Variants in CDH18 observed in about 807,000 individuals in gnomAD.
The protein encoded by CDH18 is cadherin 18.
In CDH18, 31 loss-of-function variants were observed where a neutral mutation model predicts 67.9. That is an observed-to-expected ratio of 0.46 (90% CI 0.34 to 0.62). The LOEUF (loss-of-function observed/expected upper bound fraction) is 0.62, where lower values mean the gene tolerates loss of function less well. Among genes scored for constraint, CDH18 ranks in the 20% least tolerant of loss-of-function variants. The probability of loss-of-function intolerance (pLI) is 0.01; values close to 1 mark genes in which losing one functional copy is unlikely to be tolerated. For missense variants in CDH18, 890 were observed against 975.5 expected, an observed-to-expected ratio of 0.91 and a Z score of 1.17; for synonymous variants, 362 against 347.2, an observed-to-expected ratio of 1.04 and a Z score of -0.48.
At chr5:19,807,539 A>G (rs1778161722) in intron 3 of CDH18, among the ~76,000 whole-genome samples, 1 of 152,154 alleles carries the variant, frequency 6.6e-6, no homozygotes, top group African/African-American at 2.4e-5. Context: ...GGCTCTACTG[A>G]GAAGTGTAGT....
intron 2 of CDH18, among the ~76,000 whole-genome samples, chr5:19,882,124 CTGTGCAACTCATAATACA>C (rs1554056492): frequency 6.6e-6 from 1 of 152,104 alleles, no homozygotes; most frequent in Non-Finnish European, 1.5e-5. Context: ...CAAAAATCAT[CTGTGCAACTCATAATACA>C]TGTCTTACAA....
rs573855400 is a variant in CDH18, at chr5:20,324,071, T to C, written c.-579-68566A>G. ...GTTCAACGGTTTTAAGATTACAATT[T>C]TAAAATCAACTAGTTGTTTTCCAAA... On this transcript the variant is annotated intron_variant, in intron 1 of 14. Coordinates refer to the CDH18 transcript ENST00000507958. Among the ~76,000 whole-genome samples, 5 of 152,314 alleles carry C rather than the reference T, an allele frequency of 3.3e-5. No homozygotes were observed. The South Asian group carries it at 1.0e-3, about 32-fold the overall frequency.
chr5:20,132,294 A>G (rs1429991585), intron 2 of CDH18, among the ~76,000 whole-genome samples: 2 of 152,054 alleles, frequency 1.3e-5, no homozygotes, highest in Non-Finnish European at 2.9e-5. Context: ...TAATTTTTCC[A>G]CTTCTTAAAT....
At chr5:20,558,804 G>T (rs1758051401) in intron 1 of CDH18, among the ~76,000 whole-genome samples, 1 of 152,078 alleles carries the variant, frequency 6.6e-6, no homozygotes, top group Non-Finnish European at 1.5e-5. Flanking sequence ...TTGAGGGCCA[G>T]TAAGATTTTT....
chr5:19,987,560 A>T (rs959562074), intron 1 of CDH18, among the ~76,000 whole-genome samples: 10 of 152,234 alleles, frequency 6.6e-5, no homozygotes, highest in Admixed American at 5.2e-4. Flanking sequence ...ATGAAAGAAT[A>T]TAAATGAGGC....
chr5:19,766,225 G>C, intron 3 of CDH18, among the ~76,000 whole-genome samples: 1 of 152,160 alleles, frequency 6.6e-6, no homozygotes, highest in East Asian at 1.9e-4. Context: ...TTACGAGTCT[G>C]AACTCATTCT....
intron 2 of CDH18, among the ~76,000 whole-genome samples, chr5:20,189,722 C>T (rs1738390859): frequency 6.6e-6 from 1 of 152,146 alleles, no homozygotes; most frequent in African/African-American, 2.4e-5. Flanking sequence ...TTTATACTAC[C>T]TCGCTTCACT....
intron 5 of CDH18, among the ~76,000 whole-genome samples, chr5:19,713,694 T>C (rs1162709655): frequency 6.6e-6 from 1 of 152,160 alleles, no homozygotes; most frequent in Non-Finnish European, 1.5e-5. Flanking sequence ...CTAATAAATA[T>C]GCATTCTCAG....
intron 1 of CDH18, among the ~76,000 whole-genome samples, chr5:20,307,522 A>G (rs1736579799): frequency 2.6e-5 from 4 of 152,210 alleles, no homozygotes; most frequent in Admixed American, 2.0e-4. Context: ...GCACTAGAGA[A>G]GACATGAATT....
At chr5:19,957,116 C>T (rs937117839) in intron 2 of CDH18, among the ~76,000 whole-genome samples, 5 of 151,846 alleles carry the variant, frequency 3.3e-5, no homozygotes, top group South Asian at 2.1e-4. Flanking sequence ...GTATGTTTCA[C>T]GTCCCATAGA....
intron 11 of CDH18, among the ~76,000 whole-genome samples, chr5:19,494,739 T>C (rs1742007695): frequency 6.6e-6 from 1 of 152,172 alleles, no homozygotes; most frequent in Admixed American, 6.5e-5. Flanking sequence ...TCCTCCAACA[T>C]AGTAAGGGAT....
intron 5 of CDH18, among the ~76,000 whole-genome samples, chr5:19,615,399 AT>A (rs1488522422): frequency 6.6e-6 from 1 of 152,144 alleles, no homozygotes; most frequent in African/African-American, 2.4e-5. Flanking sequence ...ATTTAGAGCA[AT>A]TTTAGGTCCT....
intron 3 of CDH18, among the ~76,000 whole-genome samples, chr5:19,806,356 C>T (rs1048508350): frequency 1.3e-5 from 2 of 152,130 alleles, no homozygotes; most frequent in Non-Finnish European, 2.9e-5. Flanking sequence ...ATCATTGCAG[C>T]GGCATATTTT....
intron 2 of CDH18, among the ~76,000 whole-genome samples, chr5:20,168,174 G>T (rs1736441046): frequency 6.6e-6 from 1 of 152,016 alleles, no homozygotes; most frequent in Non-Finnish European, 1.5e-5. Context: ...TCACAGCATT[G>T]CTAATTAAAA....
At chr5:19,590,299 G>A (rs1026842161) in intron 7 of CDH18, among the ~76,000 whole-genome samples, 5 of 151,976 alleles carry the variant, frequency 3.3e-5, no homozygotes, top group African/African-American at 9.7e-5. Flanking sequence ...ATGTACCAGT[G>A]GTGATTATTG....
At chr5:20,010,258 T>G (rs1179547149) in intron 2 of CDH18, among the ~76,000 whole-genome samples, 1 of 152,134 alleles carries the variant, frequency 6.6e-6, no homozygotes, top group South Asian at 2.1e-4. Flanking sequence ...TTTTAATTTT[T>G]TTGAGACAGA....
At position 20,269,649 on chromosome 5, in the gene CDH18, C is replaced by T. The variant is rs370978799; in HGVS notation, c.-579-14144G>A. ...AAGACAAATATTACATAATCTCACT[C>T]ATAAGTGAGTGTAAACAGTGTATTC... On this transcript the variant is annotated intron_variant, in intron 1 of 14. Coordinates refer to the CDH18 transcript ENST00000507958. 1.1e-4 allele frequency among the ~76,000 whole-genome samples: 17 copies of T among 152,134 alleles called. No homozygotes were observed. The East Asian group carries it at 2.5e-3, about 23-fold the overall frequency.
At chr5:20,255,303 A>C (rs1744149649) in intron 2 of CDH18, 1 of 152,206 alleles carries the variant, frequency 6.6e-6, no homozygotes, top group Non-Finnish European at 1.5e-5. Flanking sequence ...TAAATAATTC[A>C]GTGTAATTCT....
chr5:19,471,351 AATTATTCAAATTAAGCTTACT>A lies in CDH18; in HGVS notation c.*1854_*1874del, dbSNP rs1737630567. Among the ~76,000 whole-genome samples the A allele has an allele frequency of 6.6e-6, 1 of 152,126 alleles. No homozygotes were observed. Among genetic ancestry groups the A allele is most frequent in the South Asian group, 2.1e-4 (1 of 4,834 alleles). ...CCTCAGGCTTAAAACACAAATTGAGAATTATTCAAATTAAGCTTACTTACTTCCCATACCTCAAATTATAAT... is the reference window on the plus strand; with the variant it reads ...CCTCAGGCTTAAAACACAAATTGAGATACTTCCCATACCTCAAATTATAAT... On this transcript the variant is annotated 3_prime_UTR_variant, in exon 13 of 13. Transcript: ENST00000382275.
Sources: allele counts gnomAD v4.1 joint callset (sites outside exome capture counted in the v4.1 genomes callset), GRCh38; gene constraint gnomAD v4.1.1; transcripts MANE v1.5; gene names NCBI Gene and HGNC (gene_info 2026-07-23, HGNC 2026-07-21).